Variants in RBFOX1 observed in about 807,000 individuals in gnomAD.
RBFOX1 encodes RNA binding protein fox-1 homolog 1.
Under a neutral mutation model 57.7 loss-of-function variants are expected in RBFOX1, and 8 were observed. The observed-to-expected ratio is 0.14, with a 90% CI of 0.08 to 0.25. The LOEUF (loss-of-function observed/expected upper bound fraction) is 0.25, where lower values mean the gene tolerates loss of function less well. Ranked by LOEUF, RBFOX1 falls within the 10% of genes least tolerant of loss-of-function variation. The pLI is 1.00. For missense variants in RBFOX1, 611 were observed against 548.5 expected, an observed-to-expected ratio of 1.11 and a Z score of -1.14; for synonymous variants, 326 against 222.4, an observed-to-expected ratio of 1.47 and a Z score of -4.15.
At chr16:7,464,890 G>T (rs930587348) in intron 4 of RBFOX1, among the ~76,000 whole-genome samples, 3 of 151,456 alleles carry the variant, frequency 2.0e-5, no homozygotes, top group African/African-American at 7.3e-5. Context: ...GTAGAGACGG[G>T]GTTTCACCGT....
chr16:7,384,829 A>G (rs564868636), intron 4 of RBFOX1, among the ~76,000 whole-genome samples: 2 of 152,340 alleles, frequency 1.3e-5, no homozygotes, highest in Admixed American at 6.5e-5. Context: ...TGCTGCTGGC[A>G]TAGAGCTTAT....
chr16:6,868,386 A>G (rs1212480452), intron 3 of RBFOX1, among the ~76,000 whole-genome samples: 2 of 152,162 alleles, frequency 1.3e-5, no homozygotes, highest in Admixed American at 1.3e-4. Flanking sequence ...AAATTTCTGT[A>G]AGTTTTCTTT....
intron 2 of RBFOX1, among the ~76,000 whole-genome samples, chr16:6,411,492 GA>G: frequency 6.6e-6 from 1 of 152,208 alleles, no homozygotes; most frequent in East Asian, 1.9e-4. Flanking sequence ...TCTATTTATA[GA>G]AAACTTTGAA....
chr16:6,069,312 C>G (rs2095805840), intron 1 of RBFOX1, among the ~76,000 whole-genome samples: 1 of 150,072 alleles, frequency 6.7e-6, no homozygotes, highest in Non-Finnish European at 1.5e-5. Flanking sequence ...GCAGGAGAAT[C>G]ACTTGAACCT....
At chr16:5,786,035 T>C (rs1407127692) in intron 3 of RBFOX1, among the ~76,000 whole-genome samples, 3 of 152,346 alleles carry the variant, frequency 2.0e-5, no homozygotes, top group East Asian at 3.9e-4. Context: ...ATTAGGATCC[T>C]TGGATCATGT....
intron 2 of RBFOX1, among the ~76,000 whole-genome samples, chr16:5,557,098 G>A (rs11644922): frequency 0.38 from 57,840 of 151,454 alleles, 11,349 homozygotes; most frequent in Non-Finnish European, 0.42. Flanking sequence ...TCTCTACCAA[G>A]AATACAAAAA....
chr16:7,300,348 G>A (rs1186535419), intron 4 of RBFOX1, among the ~76,000 whole-genome samples: 3 of 152,132 alleles, frequency 2.0e-5, no homozygotes, highest in South Asian at 2.1e-4. Context: ...TGATTCAGGT[G>A]TTTGAACAAG....
At chr16:5,506,520 GCTTCTGCT>G (rs1435874169) in intron 2 of RBFOX1, among the ~76,000 whole-genome samples, 2 of 152,116 alleles carry the variant, frequency 1.3e-5, no homozygotes, top group African/African-American at 4.8e-5. Context: ...GTACACAAAG[GCTTCTGCT>G]CACCCTGCAG....
At chr16:5,845,784 G>A (rs1330701398) in intron 3 of RBFOX1, among the ~76,000 whole-genome samples, 1 of 152,154 alleles carries the variant, frequency 6.6e-6, no homozygotes. Flanking sequence ...CACAGATAGA[G>A]CCCACTTTCA....
intron 2 of RBFOX1, among the ~76,000 whole-genome samples, chr16:6,507,227 T>C (rs2096124024): frequency 6.6e-5 from 10 of 152,106 alleles, no homozygotes; most frequent in Admixed American, 6.6e-4. Context: ...ATTATACACA[T>C]GATAGACAAA....
chr16:7,019,984 T>A (rs1050795689), intron 3 of RBFOX1, among the ~76,000 whole-genome samples: 4 of 151,848 alleles, frequency 2.6e-5, no homozygotes, highest in Non-Finnish European at 5.9e-5. Flanking sequence ...TCTCTCTTTT[T>A]TTTTTTTTTC....
At chr16:6,805,801 A>C (rs1603627105) in intron 3 of RBFOX1, among the ~76,000 whole-genome samples, 1 of 152,122 alleles carries the variant, frequency 6.6e-6, no homozygotes, top group East Asian at 1.9e-4. Context: ...GGAGATTTTC[A>C]CATCTTCGCT....
chr16:6,677,455 A>G (rs1268682940), intron 3 of RBFOX1, among the ~76,000 whole-genome samples: 1 of 152,180 alleles, frequency 6.6e-6, no homozygotes, highest in Non-Finnish European at 1.5e-5. Flanking sequence ...CTAAAAGGCT[A>G]CCTACATCAA....
At chr16:6,473,600 G>A (rs1440548656) in intron 2 of RBFOX1, among the ~76,000 whole-genome samples, 1 of 151,236 alleles carries the variant, frequency 6.6e-6, no homozygotes, top group African/African-American at 2.4e-5. Flanking sequence ...CTTTATTGAA[G>A]AAATAAAGAC....
At chr16:6,215,962 A>G (rs930983084) in intron 1 of RBFOX1, among the ~76,000 whole-genome samples, 1 of 152,176 alleles carries the variant, frequency 6.6e-6, no homozygotes, top group African/African-American at 2.4e-5. Context: ...AAAAAGAATG[A>G]GATCATGTCC....
At chr16:7,498,828 A>G (rs1037141590) in intron 4 of RBFOX1, among the ~76,000 whole-genome samples, 4 of 152,176 alleles carry the variant, frequency 2.6e-5, no homozygotes, top group African/African-American at 9.7e-5. Context: ...GGATTACAAT[A>G]TCTGCTTCAC....
chr16:5,567,442 A>G (rs980087417), intron 2 of RBFOX1, among the ~76,000 whole-genome samples: 1 of 152,168 alleles, frequency 6.6e-6, no homozygotes, highest in Non-Finnish European at 1.5e-5. Context: ...GAGTAGCCGT[A>G]TAATCTCCAC....
At chr16:6,002,034 T>G (rs566728737) in intron 4 of RBFOX1, among the ~76,000 whole-genome samples, 2 of 151,598 alleles carry the variant, frequency 1.3e-5, no homozygotes, top group African/African-American at 4.9e-5. Flanking sequence ...TGGCATGATT[T>G]CAGCCCCTGG....
At chr16:7,027,654 C>G (rs1003255041) in intron 3 of RBFOX1, among the ~76,000 whole-genome samples, 2 of 152,160 alleles carry the variant, frequency 1.3e-5, no homozygotes, top group African/African-American at 4.8e-5. Context: ...CATTATTCAG[C>G]TTTCAAAAGA....
Sources: allele counts gnomAD v4.1 joint callset (sites outside exome capture counted in the v4.1 genomes callset), GRCh38; gene constraint gnomAD v4.1.1; transcripts MANE v1.5; gene names NCBI Gene and HGNC (gene_info 2026-07-23, HGNC 2026-07-21).